Variants in CST3 observed in about 807,000 individuals in gnomAD.
CST3 encodes cystatin-C.
In CST3, 14 loss-of-function variants were observed where a neutral mutation model predicts 9.0. That is an observed-to-expected ratio of 1.56 (90% CI 1.03 to 2.44). The LOEUF is 2.44. CST3 is among the 30% of genes most tolerant of loss of function. The probability of loss-of-function intolerance (pLI) is 0.00; values close to 1 mark genes in which losing one functional copy is unlikely to be tolerated. For synonymous variants in CST3, 96 were observed against 90.2 expected (o/e 1.06, Z -0.37); for missense variants, 237 against 204.3 (o/e 1.16, Z -0.98).
At chr20:23,635,485 T>C in intron 1 of CST3, 118 bp from the exon 2 acceptor site, 1 of 856,596 alleles carries the variant, frequency 1.2e-6, no homozygotes, top group Non-Finnish European at 1.9e-6. Context: ...CCTACCTTCA[T>C]GAGCTGCCCA....
chr20:23,637,650 G>T lies in CST3; in HGVS notation c.213C>A (p.Arg71=), dbSNP rs1296269237. The T allele has an allele frequency of 1.3e-6, 2 of 1,527,780 alleles. No individual in the cohort carries two copies. Among genetic ancestry groups the T allele is most frequent in the Admixed American group, 4.1e-5 (2 of 48,772 alleles). 94.6% of individuals were successfully genotyped at this position (1,527,780 alleles called of 1,614,324 possible). ...NKASNDMYHS[R]ALQVVRARKQ... ...TGCGGGCGCGCACCACCTGCAGCGC[G>T]CGGCTGTGGTACATGTCGTTGCTGG... The change falls in exon 1 of 3, where the codon CGC becomes CGA. Residue 71 remains arginine, a synonymous_variant. Transcript: ENST00000376925.
At chr20:23,633,525 G>A, downstream of CST3, 1 of 370,460 alleles carries the variant, frequency 2.7e-6, no homozygotes, top group Non-Finnish European at 5.2e-6. Context: ...TTGCCTGATG[G>A]CCTTGCTGTG....
In CST3 at chr20:23,626,932, T is replaced by C. The variant is rs539760358; in HGVS notation, c.*2536A>G. On this transcript the variant is annotated 3_prime_UTR_variant, in exon 4 of 4. Coordinates refer to the CST3 transcript ENST00000398411. ...ATTTTGTCGAGGCTTGACTGGAACA[T>C]ATGGCTGGAAATTATTTGGGACTGA... is the stretch of plus-strand genomic sequence containing the variant. 3.9e-5 allele frequency: 6 copies of C among 152,152 alleles called. No homozygotes were observed. In the South Asian group the frequency reaches 8.3e-4, roughly 21 times the overall value. The allele number at this position is 152,152 out of a possible 1,614,324, so 9.4% of individuals were successfully genotyped here.
Position 23,637,653 on chromosome 20 carries a change from G to A in CST3, c.210C>T (p.Ser70=), listed in dbSNP as rs1600365761. 1 of 1,530,488 alleles carries A rather than the reference G, an allele frequency of 6.5e-7. No individual in the cohort carries two copies. The highest frequency in any genetic ancestry group is 8.8e-7 in the Non-Finnish European group (1 of 1,139,586). 94.8% of individuals were successfully genotyped at this position (1,530,488 alleles called of 1,614,324 possible). A position where few individuals can be genotyped will look rare whatever the true frequency, so the allele number is the denominator to read the frequency against. Residue 70 remains serine, a synonymous_variant, in exon 1 of 3, where the codon AGC becomes AGT. Transcript: ENST00000376925. ...YNKASNDMYH[S]RALQVVRARK... ...GGGCGCGCACCACCTGCAGCGCGCGGCTGTGGTACATGTCGTTGCTGGCTT... is the reference window on the plus strand; with the variant it reads ...GGGCGCGCACCACCTGCAGCGCGCGACTGTGGTACATGTCGTTGCTGGCTT...
Position 23,633,977 on chromosome 20 carries a change from A to C in CST3, c.380T>G (p.Ile127Ser), listed in dbSNP as rs894350263. The C allele has an allele frequency of 1.2e-6, 2 of 1,614,116 alleles. No homozygotes were observed. The highest frequency in any genetic ancestry group is 2.7e-5 in the African/African-American group (2 of 75,052). The change falls in exon 3 of 3, where the codon ATC becomes AGC. Residue 127 changes from isoleucine to serine, a missense_variant. Physicochemically the swap from Ile to Ser is moderately radical, Grantham distance 142. Coordinates refer to ENST00000376925, the MANE Select transcript of CST3 (RefSeq NM_000099.4). ...LKRKAFCSFQ[I>S]YAVPWQGTMT... ...TGTGCCCTGCCAAGGCACAGCGTAG[A>C]TCTGGAAAGAGCAGAATGCTTTCTG... is the stretch of plus-strand genomic sequence containing the variant.
downstream of CST3, chr20:23,633,510 G>A (rs1979528317): frequency 2.9e-6 from 1 of 347,434 alleles, no homozygotes; most frequent in African/African-American, 2.1e-5. Flanking sequence ...TCCTATAGCA[G>A]CAGCTTGCCT....
chr20:23,633,507 G>C (rs997946211), downstream of CST3: 2 of 344,740 alleles, frequency 5.8e-6, no homozygotes, highest in African/African-American at 4.2e-5. Context: ...GACTCCTATA[G>C]CAGCAGCTTG....
Position 23,633,884 on chromosome 20 carries a change from G to C in CST3, c.*32C>G, listed in dbSNP as rs753716901. On this transcript the variant is annotated 3_prime_UTR_variant, in exon 3 of 3. Transcript: ENST00000376925. Reference sequence around the variant, plus strand: ...AGGGGGTGGGAGGTGTGCATAAGAGGTGATAGGCACAGGCCAGCCCGGTAC... The same window carrying C: ...AGGGGGTGGGAGGTGTGCATAAGAGCTGATAGGCACAGGCCAGCCCGGTAC... The C allele has an allele frequency of 6.4e-7, 1 of 1,568,530 alleles. No individual in the cohort carries two copies. Among genetic ancestry groups the C allele is most frequent in the East Asian group, 2.2e-5 (1 of 44,686 alleles).
chr20:23,634,195 C>A (rs1010440522), intron 2 of CST3, among the ~76,000 whole-genome samples, 196 bp from the exon 3 acceptor site: 7 of 152,112 alleles, frequency 4.6e-5, no homozygotes, highest in African/African-American at 1.7e-4. Context: ...TCTCCCAGGG[C>A]TCCAACTCTA....
intron 1 of CST3, among the ~76,000 whole-genome samples, chr20:23,635,743 C>T (rs1192227629): frequency 6.6e-6 from 1 of 152,208 alleles, no homozygotes; most frequent in Non-Finnish European, 1.5e-5. Flanking sequence ...GCCATTTAAC[C>T]CAGAGGTATT....
At position 23,633,859 on chromosome 20, in the gene CST3, AG is replaced by A. The variant is rs1555807940; in HGVS notation, c.*56del. 3 of 1,413,214 alleles carry A rather than the reference AG, an allele frequency of 2.1e-6. No homozygotes were observed. Among genetic ancestry groups the A allele is most frequent in the Non-Finnish European group, 2.0e-6 (2 of 1,001,726 alleles). 87.5% of individuals were successfully genotyped at this position (1,413,214 alleles called of 1,614,324 possible). Reference sequence around the variant, plus strand: ...GCCACCAGTCCAGGGGTGGGAATACAGGGGGTGGGAGGTGTGCATAAGAGGT... The same window carrying A: ...GCCACCAGTCCAGGGGTGGGAATACAGGGGTGGGAGGTGTGCATAAGAGGT... On this transcript the variant is annotated 3_prime_UTR_variant, in exon 3 of 3. Transcript: ENST00000376925.
At chr20:23,637,053 T>TG (rs1009246656) in intron 1 of CST3, among the ~76,000 whole-genome samples, 64 of 152,228 alleles carry the variant, frequency 4.2e-4, no homozygotes, top group African/African-American at 1.3e-3. Context: ...GAAAGTGAGC[T>TG]GGGGGGAACA....
At chr20:23,630,848 C>T (rs1310070087), downstream of CST3, among the ~76,000 whole-genome samples, 1 of 149,268 alleles carries the variant, frequency 6.7e-6, no homozygotes, top group African/African-American at 2.5e-5. Context: ...ACTAGAGGTA[C>T]AATACTTGGA....
At chr20:23,627,909 C>T in exon 4 of CST3, 1 of 151,954 alleles carries the variant, frequency 6.6e-6, no homozygotes, top group East Asian at 1.9e-4. Flanking sequence ...AGGTTATTTG[C>T]CTTTATTTTT....
chr20:23,634,786 C>G (rs1979594187), intron 2 of CST3, among the ~76,000 whole-genome samples: 1 of 152,134 alleles, frequency 6.6e-6, no homozygotes. Context: ...ACCCCGTCTA[C>G]ATGCACACAC....
intron 1 of CST3, among the ~76,000 whole-genome samples, chr20:23,636,242 G>A (rs369533116): frequency 5.3e-4 from 81 of 152,316 alleles, no homozygotes; most frequent in African/African-American, 1.8e-3. Context: ...GGAGAAACGC[G>A]GCTGGTCTGG....
At chr20:23,635,504 C>A in intron 1 of CST3, 137 bp from the exon 2 acceptor site, 1 of 761,726 alleles carries the variant, frequency 1.3e-6, no homozygotes, top group Non-Finnish European at 2.2e-6. Flanking sequence ...CACATTGTCA[C>A]CTGCAAGGCA....
At chr20:23,634,156 G>T (rs745413895) in intron 2 of CST3, among the ~76,000 whole-genome samples, 157 bp from the exon 3 acceptor site, 2 of 151,414 alleles carry the variant, frequency 1.3e-5, no homozygotes, top group Non-Finnish European at 2.9e-5. Flanking sequence ...CCAGAGCACC[G>T]CTGGACTGGG....
intron 1 of CST3, among the ~76,000 whole-genome samples, 183 bp from the exon 2 acceptor site, chr20:23,635,550 C>A (rs976935266): frequency 6.6e-6 from 1 of 152,222 alleles, no homozygotes; most frequent in Non-Finnish European, 1.5e-5. Flanking sequence ...GGCAGGGATG[C>A]CATGCCCCAG....
Sources: gnomAD v4.1 joint callset for allele counts (sites outside exome capture counted in the v4.1 genomes callset) on GRCh38, gnomAD v4.1.1 for gene constraint, MANE v1.5 for transcripts, NCBI Gene and HGNC (gene_info 2026-07-23, HGNC 2026-07-21) for gene names.